Variants in MRO observed in about 807,000 individuals in gnomAD.
The protein encoded by MRO is protein maestro.
A neutral mutation model predicts 31.0 loss-of-function variants in MRO; 28 were observed. The observed-to-expected ratio is 0.90, with a 90% CI of 0.67 to 1.24. MRO has a LOEUF of 1.24. Ranked by LOEUF, MRO falls within the 50% of genes most tolerant of loss-of-function variation. The pLI, the probability that MRO is intolerant of heterozygous loss-of-function variation, is 0.00. For synonymous variants in MRO, 108 were observed against 108.4 expected (o/e 1.00, Z 0.02); for missense variants, 332 against 289.2 (o/e 1.15, Z -1.07).
upstream of MRO, among the ~76,000 whole-genome samples, chr18:50,822,394 A>G (rs182849584): frequency 2.1e-3 from 274 of 130,842 alleles, 1 homozygote; most frequent in Non-Finnish European, 3.1e-3. Context: ...GCTGGAGTGC[A>G]GTGGGGGGAA....
chr18:50,808,044 G>A (rs1477310793), intron 3 of MRO, among the ~76,000 whole-genome samples: 7 of 152,314 alleles, frequency 4.6e-5, no homozygotes, highest in Admixed American at 3.3e-4. Flanking sequence ...CTGAGATCAC[G>A]CCATTGCACT....
At chr18:50,803,824 C>T (rs1357068526) in intron 5 of MRO, among the ~76,000 whole-genome samples, 3 of 152,216 alleles carry the variant, frequency 2.0e-5, no homozygotes, top group African/African-American at 4.8e-5. Flanking sequence ...AGAATTAGGG[C>T]GTGGGGAGAT....
rs537154289 is a variant in MRO, at chr18:50,805,469, A to G, written c.247-133T>C. 30 of 677,342 alleles carry G rather than the reference A, an allele frequency of 4.4e-5. No homozygotes were observed. The African/African-American group carries it at 4.5e-4, about 10-fold the overall frequency. 42.0% of individuals were successfully genotyped at this position (677,342 alleles called of 1,614,324 possible). ...CCAGGGCTTTTTTCAAGATCTGCAC[A>G]ACTCTCATTAAAATACAAATGCTTC... On this transcript the variant is annotated intron_variant, in intron 4 of 7. Coordinates refer to ENST00000398439, the MANE Select transcript of MRO (RefSeq NM_031939.6).
intron 2 of MRO, 66 bp from the exon 3 acceptor site, chr18:50,809,470 C>T (rs1914284291): frequency 8.9e-7 from 1 of 1,118,924 alleles, no homozygotes; most frequent in East Asian, 2.4e-5. Flanking sequence ...CATTGTTGTA[C>T]AATGCATTGT....
chr18:50,809,407 A>AAAAAC lies in MRO; in HGVS notation c.-4-8_-4-4dup, dbSNP rs747256999. 9.3e-6 allele frequency: 15 copies of AAAAAC among 1,605,400 alleles called. No homozygotes were observed. The East Asian group carries it at 1.1e-4, about 12-fold the overall frequency. ...TCCTCTGTCTTTGGTCCATGGAACT[A>AAAAAC]AAAACAAAACAAAACAAAATCACAT... On this transcript the variant is annotated splice_polypyrimidine_tract_variant and splice_region_variant and intron_variant, in intron 2 of 7. Transcript: ENST00000398439.
At chr18:50,806,954 AT>A in intron 3 of MRO, 104 bp from the exon 4 acceptor site, 1 of 1,161,694 alleles carries the variant, frequency 8.6e-7, no homozygotes, top group Non-Finnish European at 1.2e-6. Context: ...TGCCTGCTCA[AT>A]TTTACCCCTT....
At chr18:50,805,959 C>A (rs1425610263) in intron 4 of MRO, among the ~76,000 whole-genome samples, 2 of 150,912 alleles carry the variant, frequency 1.3e-5, no homozygotes, top group African/African-American at 2.4e-5. Flanking sequence ...GCATAAGACT[C>A]TATCTTTTTT....
chr18:50,813,830 C>T (rs1008635392), intron 2 of MRO, among the ~76,000 whole-genome samples: 5 of 152,196 alleles, frequency 3.3e-5, no homozygotes, highest in Middle Eastern at 3.4e-3. Context: ...ACACCAGGGC[C>T]TACTTGAGGG....
At chr18:50,816,863 G>A (rs1343890284) in intron 2 of MRO, among the ~76,000 whole-genome samples, 3 of 152,160 alleles carry the variant, frequency 2.0e-5, no homozygotes, top group African/African-American at 7.2e-5. Context: ...AAAACAGCTG[G>A]TATCTCTGTT....
chr18:50,808,981 CA>C (rs1177987228), intron 3 of MRO, among the ~76,000 whole-genome samples: 15 of 150,128 alleles, frequency 1.0e-4, no homozygotes, highest in Non-Finnish European at 1.5e-4. Flanking sequence ...ACTAAAAATA[CA>C]AAAAAATTAG....
At chr18:50,811,131 C>A in intron 2 of MRO, among the ~76,000 whole-genome samples, 1 of 152,160 alleles carries the variant, frequency 6.6e-6, no homozygotes, top group Non-Finnish European at 1.5e-5. Flanking sequence ...AGATAGGCTA[C>A]AGAGGCTAGC....
upstream of MRO, among the ~76,000 whole-genome samples, chr18:50,822,246 G>C (rs955447749): frequency 1.3e-5 from 1 of 74,134 alleles, no homozygotes. Context: ...GATGAAAAGG[G>C]CAACAGGCAA....
At position 50,799,118 on chromosome 18, in the gene MRO, G is replaced by A; in HGVS notation, c.*219C>T. On this transcript the variant is annotated 3_prime_UTR_variant, in exon 8 of 8. Transcript: ENST00000398439. The stretch of plus-strand genomic sequence containing the variant: ...TACCTGCTCATCAAATTTGTATGGG[G>A]AGGAAATGAAATAAGTGAAAGCAGT... 2.0e-6 allele frequency: 1 copy of A among 509,088 alleles called. No homozygotes were observed. The highest frequency in any genetic ancestry group is 3.5e-6 in the Non-Finnish European group (1 of 282,940). The allele number at this position is 509,088 out of a possible 1,614,324, so 31.5% of individuals were successfully genotyped here.
Position 50,809,355 on chromosome 18 carries a change from G to A in MRO, c.46C>T (p.Pro16Ser), listed in dbSNP as rs1914261096. 6.2e-7 allele frequency: 1 copy of A among 1,613,792 alleles called. No homozygotes were observed. The highest frequency in any genetic ancestry group is 1.7e-5 in the Admixed American group (1 of 59,990). Residue 16 changes from proline (P) to serine (S), a missense_variant, in exon 3 of 8, where the codon CCT (proline) becomes TCT (serine). By Grantham distance (74) the Pro-to-Ser change is moderately conservative (BLOSUM62 -1). Transcript: ENST00000398439. ...CTTTTCTGCTTGGGCTGGGAAGTAG[G>A]GATGGAAAGGGGCTGGCCCAGGATT... ...RRILGQPLSI[P>S]TSQPKQKRTS...
At chr18:50,803,506 CAAA>C (rs1232592810) in intron 5 of MRO, among the ~76,000 whole-genome samples, 5 of 128,306 alleles carry the variant, frequency 3.9e-5, no homozygotes, top group Admixed American at 8.0e-5. Flanking sequence ...GACCCTGTCT[CAAA>C]AAAAAAAAAA....
chr18:50,805,881 AG>A (rs2144612242), intron 4 of MRO, among the ~76,000 whole-genome samples: 1 of 152,054 alleles, frequency 6.6e-6, no homozygotes, highest in Non-Finnish European at 1.5e-5. Context: ...ACCCTGAATG[AG>A]TCTCCTCCCC....
intron 6 of MRO, 105 bp downstream of exon 6, chr18:50,801,244 A>T: frequency 2.1e-6 from 2 of 961,446 alleles, no homozygotes; most frequent in Non-Finnish European, 3.1e-6. Flanking sequence ...CTAAGTATCT[A>T]CAGCAGTGCT....
intron 5 of MRO, among the ~76,000 whole-genome samples, chr18:50,803,197 C>T (rs1913564937): frequency 6.6e-6 from 1 of 152,010 alleles, no homozygotes; most frequent in Admixed American, 6.6e-5. Flanking sequence ...CTCAAAAATT[C>T]CAGGCAACCA....
intron 5 of MRO, among the ~76,000 whole-genome samples, chr18:50,803,285 G>T (rs1486094334): frequency 6.6e-6 from 1 of 152,096 alleles, no homozygotes; most frequent in Non-Finnish European, 1.5e-5. Context: ...CGAGACAGGA[G>T]AATCGCTTGA....
Sources: gnomAD v4.1 joint callset for allele counts (sites outside exome capture counted in the v4.1 genomes callset) on GRCh38, gnomAD v4.1.1 for gene constraint, MANE v1.5 for transcripts, NCBI Gene and HGNC (gene_info 2026-07-23, HGNC 2026-07-21) for gene names.